The following SUSD1 variants were observed in gnomAD, a reference collection of about 807,000 sequenced individuals.
The protein encoded by SUSD1 is sushi domain-containing protein 1.
In SUSD1, 65 loss-of-function variants were observed where a neutral mutation model predicts 86.9. The observed-to-expected ratio is 0.75, with a 90% CI of 0.61 to 0.92. SUSD1 has a LOEUF of 0.92. SUSD1 is among the 40% of genes least tolerant of loss of function. The probability of loss-of-function intolerance (pLI) is 0.00; values close to 1 mark genes in which losing one functional copy is unlikely to be tolerated. For missense variants in SUSD1, 850 were observed against 929.7 expected (o/e 0.91, Z 1.11); for synonymous variants, 346 against 350.0 (o/e 0.99, Z 0.13).
chr9:112,084,142 A>G (rs1417199215), intron 10 of SUSD1, among the ~76,000 whole-genome samples: 1 of 151,164 alleles, frequency 6.6e-6, no homozygotes, highest in Non-Finnish European at 1.5e-5. Context: ...CCAAAATGTG[A>G]AAAAAATATG....
At position 112,126,519 on chromosome 9, in the gene SUSD1, T is replaced by A. The variant is rs370721932; in HGVS notation, c.707-2083A>T. Among the ~76,000 whole-genome samples the A allele has an allele frequency of 2.2e-4, 33 of 152,320 alleles. No homozygotes were observed. In the South Asian group the frequency reaches 6.4e-3, roughly 30 times the overall value. ...TAACTTGTTCTCTAGGGATTAAGGC[T>A]CAAAGGCTCAGGTGGATGCCCCTTT... On this transcript the variant is annotated intron_variant, in intron 5 of 16. Transcript: ENST00000374270.
intron 6 of SUSD1, among the ~76,000 whole-genome samples, chr9:112,122,417 C>G (rs960701380): frequency 6.6e-6 from 1 of 152,162 alleles, no homozygotes; most frequent in African/African-American, 2.4e-5. Flanking sequence ...GCCTTGGCCT[C>G]TCAAAGTGCT....
At chr9:112,127,630 G>T (rs188972898) in intron 5 of SUSD1, among the ~76,000 whole-genome samples, 21 of 152,138 alleles carry the variant, frequency 1.4e-4, no homozygotes, top group Middle Eastern at 3.4e-3. Flanking sequence ...TTACATGCTA[G>T]TCATTATAGC....
At chr9:112,065,443 T>C (rs1389936249) in intron 12 of SUSD1, among the ~76,000 whole-genome samples, 1 of 152,134 alleles carries the variant, frequency 6.6e-6, no homozygotes, top group Non-Finnish European at 1.5e-5. Context: ...GTGAATTGCT[T>C]GAAGCTGGGA....
intron 13 of SUSD1, among the ~76,000 whole-genome samples, chr9:112,062,611 C>T (rs368631527): frequency 1.3e-5 from 2 of 152,158 alleles, no homozygotes; most frequent in African/African-American, 4.8e-5. Context: ...AGGAGAATCA[C>T]TTGCACCCAG....
At chr9:112,173,756 CA>C in intron 1 of SUSD1, 1 of 358,314 alleles carries the variant, frequency 2.8e-6, no homozygotes, top group Non-Finnish European at 5.5e-6. Context: ...TTTATGAGGG[CA>C]AGGCCTCAGC....
chr9:112,152,751 C>CTTTTTTT lies in SUSD1; in HGVS notation c.218-3359_218-3353dup, dbSNP rs71382410. 4.0e-4 allele frequency among the ~76,000 whole-genome samples: 35 copies of CTTTTTTT among 87,478 alleles called. 2 individuals are homozygous for CTTTTTTT. The highest frequency in any genetic ancestry group is 7.8e-4 in the South Asian group (2 of 2,558). The allele number at this position is 87,478 out of a possible 152,430, so 57.4% of individuals were successfully genotyped here. Reference sequence around the variant, plus strand: ...TTTTTCTTCTATTATTTTTTTTAATCTTTTTTTTTTTTTTTTTTTTGTAAA... The same window carrying CTTTTTTT: ...TTTTTCTTCTATTATTTTTTTTAATCTTTTTTTTTTTTTTTTTTTTTTTTTTTGTAAA... On this transcript the variant is annotated intron_variant, in intron 2 of 16. Transcript: ENST00000374270.
At chr9:112,052,345 T>C (rs1213371256) in intron 15 of SUSD1, 54 bp downstream of exon 15, 3 of 1,613,296 alleles carry the variant, frequency 1.9e-6, no homozygotes, top group Admixed American at 1.7e-5. Context: ...AATATGAACT[T>C]GATGCTGCAG....
At chr9:112,093,269 T>A (rs1830272602) in intron 10 of SUSD1, among the ~76,000 whole-genome samples, 1 of 152,130 alleles carries the variant, frequency 6.6e-6, no homozygotes, top group African/African-American at 2.4e-5. Context: ...ATTCCTTGAG[T>A]CACATTTCCA....
At chr9:112,053,632 C>A (rs1304641820) in intron 14 of SUSD1, among the ~76,000 whole-genome samples, 7 of 151,052 alleles carry the variant, frequency 4.6e-5, no homozygotes, top group South Asian at 4.2e-4. Flanking sequence ...AGGTAATGTG[C>A]AAGAATAACC....
intron 1 of SUSD1, among the ~76,000 whole-genome samples, chr9:112,158,859 C>T (rs891535740): frequency 2.0e-5 from 3 of 152,116 alleles, no homozygotes; most frequent in Non-Finnish European, 4.4e-5. Flanking sequence ...ATGTCATTTG[C>T]CCATATGTTA....
Position 112,106,052 on chromosome 9 carries a change from C to A in SUSD1, c.1172-3767G>T, listed in dbSNP as rs532704040. 2.0e-5 allele frequency among the ~76,000 whole-genome samples: 3 copies of A among 152,160 alleles called. No homozygotes were observed. In the South Asian group the frequency reaches 6.2e-4, roughly 32 times the overall value. ...TTGCGCAGGCTGGAGTGCAGTGGTG[C>A]GATCTTGGCTCACTGCAAGCTCTGC... is the stretch of plus-strand genomic sequence containing the variant. On this transcript the variant is annotated intron_variant, in intron 8 of 16. Transcript: ENST00000374270.
intron 1 of SUSD1, among the ~76,000 whole-genome samples, chr9:112,172,199 A>G (rs1271782359): frequency 2.0e-5 from 3 of 147,726 alleles, no homozygotes; most frequent in African/African-American, 4.9e-5. Context: ...ACTGTCTCAA[A>G]AAAAAAAAAA....
At chr9:112,115,808 C>CAAA (rs1406590665) in intron 6 of SUSD1, among the ~76,000 whole-genome samples, 157 of 59,412 alleles carry the variant, frequency 2.6e-3, no homozygotes, top group East Asian at 1.0e-2. Context: ...GACTCCATTG[C>CAAA]AAAAAAAAAA....
chr9:112,117,262 C>A (rs1589679972), intron 6 of SUSD1, among the ~76,000 whole-genome samples: 3 of 152,368 alleles, frequency 2.0e-5, no homozygotes, highest in South Asian at 4.1e-4. Flanking sequence ...GGTGCAAACT[C>A]CATCTCCCTC....
At chr9:112,151,795 TGGGA>T (rs758978555) in intron 2 of SUSD1, among the ~76,000 whole-genome samples, 1 of 151,854 alleles carries the variant, frequency 6.6e-6, no homozygotes, top group Non-Finnish European at 1.5e-5. Context: ...CCCAGCACTT[TGGGA>T]GGCTGAGGTG....
chr9:112,070,178 G>A (rs770843409), intron 12 of SUSD1, among the ~76,000 whole-genome samples: 18 of 152,062 alleles, frequency 1.2e-4, no homozygotes, highest in African/African-American at 4.3e-4. Flanking sequence ...GCTGATTTTT[G>A]TATTTTTAGT....
At chr9:112,064,046 T>TTTTTTTTTTTTTTTTTTTTTTGGGG (rs1491139474) in intron 12 of SUSD1, among the ~76,000 whole-genome samples, 1 of 78,656 alleles carries the variant, frequency 1.3e-5, no homozygotes, top group Non-Finnish European at 3.0e-5. Context: ...TTTCTTTTTT[T>TTTTTTTTTTTTTTTTTTTTTTGGGG]GGGGGGGGGG....
At chr9:112,075,070 C>T (rs1829459583) in intron 12 of SUSD1, among the ~76,000 whole-genome samples, 1 of 152,112 alleles carries the variant, frequency 6.6e-6, no homozygotes, top group Non-Finnish European at 1.5e-5. Context: ...TCCTTCAAAC[C>T]AGAAAAGCAC....
Sources: gnomAD v4.1 joint callset for allele counts (sites outside exome capture counted in the v4.1 genomes callset) on GRCh38, gnomAD v4.1.1 for gene constraint, MANE v1.5 for transcripts, NCBI Gene and HGNC (gene_info 2026-07-23, HGNC 2026-07-21) for gene names.